Variants in SYCP1 observed in about 807,000 individuals in gnomAD.
SYCP1 encodes the protein synaptonemal complex protein 1.
Under a neutral mutation model 153.1 loss-of-function variants are expected in SYCP1, and 64 were observed. That is an observed-to-expected ratio of 0.42 (90% CI 0.34 to 0.51). The LOEUF (loss-of-function observed/expected upper bound fraction) is 0.51, where lower values mean the gene tolerates loss of function less well. Among genes scored for constraint, SYCP1 ranks in the 20% least tolerant of loss-of-function variants. The probability of loss-of-function intolerance (pLI) is 0.06; values close to 1 mark genes in which losing one functional copy is unlikely to be tolerated. For synonymous variants in SYCP1, 384 were observed against 341.8 expected (o/e 1.12, Z -1.36); for missense variants, 997 against 1,049.0 (o/e 0.95, Z 0.68).
intron 25 of SYCP1, 43 bp from the exon 26 acceptor site, chr1:114,946,246 T>TA (rs777160700): frequency 1.7e-5 from 17 of 1,007,710 alleles, no homozygotes; most frequent in African/African-American, 5.1e-5. Flanking sequence ...TTATAATCTA[T>TA]TCAGTTTTAA....
chr1:114,981,409 C>T lies in SYCP1; in HGVS notation c.2456C>T (p.Thr819Ile). ...GATTCTAAAGCAGTTCCTTCACAAA[C>T]TGTATCTCGAAATTTCACATCAGTT... ...KLDSKAVPSQ[T>I]VSRNFTSVDH... The change falls in exon 29 of 32, where the codon ACT becomes ATT. Residue 819 changes from threonine to isoleucine, a missense_variant. Around this residue, in one of 2 missense-constraint regions of SYCP1, gnomAD observed 712 missense variants for 682.9 expected, o/e 1.04. Coordinates refer to ENST00000369522, the MANE Select transcript of SYCP1 (RefSeq NM_003176.4). 6.2e-7 allele frequency: 1 copy of T among 1,609,376 alleles called. No individual in the cohort carries two copies. The highest frequency in any genetic ancestry group is 8.5e-7 in the Non-Finnish European group (1 of 1,178,170).
intron 15 of SYCP1, among the ~76,000 whole-genome samples, chr1:114,893,389 A>C (rs929998711): frequency 4.0e-5 from 6 of 151,386 alleles, no homozygotes; most frequent in African/African-American, 1.5e-4. Flanking sequence ...TCTCATCTCT[A>C]TCTCTATCTC....
At chr1:114,958,807 G>A (rs563521151) in intron 27 of SYCP1, among the ~76,000 whole-genome samples, 6 of 149,714 alleles carry the variant, frequency 4.0e-5, no homozygotes, top group East Asian at 3.9e-4. Flanking sequence ...GTGGGTGCCC[G>A]TAGTCCCAGC....
At chr1:114,947,383 G>T in intron 27 of SYCP1, 63 bp downstream of exon 27, 1 of 1,088,030 alleles carries the variant, frequency 9.2e-7, no homozygotes, top group South Asian at 1.4e-5. Context: ...TGCATTTTTA[G>T]AATTATGTCA....
At chr1:114,854,812 T>A (rs938003750), upstream of SYCP1, 2 of 152,152 alleles carry the variant, frequency 1.3e-5, no homozygotes, top group African/African-American at 4.8e-5. Context: ...CCTGGGAGCC[T>A]GGCAAGCCCA....
intron 20 of SYCP1, among the ~76,000 whole-genome samples, chr1:114,915,956 G>A (rs1005225724): frequency 2.6e-5 from 4 of 152,268 alleles, no homozygotes; most frequent in African/African-American, 9.6e-5. Flanking sequence ...ATTTTACAAA[G>A]GCGTTCTGGG....
intron 9 of SYCP1, 68 bp from the exon 10 acceptor site, chr1:114,876,001 T>C: frequency 9.4e-7 from 1 of 1,062,212 alleles, no homozygotes; most frequent in Non-Finnish European, 1.3e-6. Context: ...AATTTGGTAA[T>C]ATTTTCATAG....
chr1:114,981,194 A>G (rs1244143601), intron 28 of SYCP1, 142 bp from the exon 29 acceptor site: 1 of 600,766 alleles, frequency 1.7e-6, no homozygotes, highest in East Asian at 3.1e-5. Flanking sequence ...ACTTATTCAA[A>G]CTTATCTAGT....
At chr1:114,943,625 A>T (rs1033471336) in intron 23 of SYCP1, among the ~76,000 whole-genome samples, 12 of 151,934 alleles carry the variant, frequency 7.9e-5, no homozygotes, top group African/African-American at 2.7e-4. Context: ...TCGAAAGGGC[A>T]GTAGGGGAAA....
intron 28 of SYCP1, among the ~76,000 whole-genome samples, chr1:114,980,782 T>C (rs1673100543): frequency 6.6e-6 from 1 of 151,978 alleles, no homozygotes; most frequent in African/African-American, 2.4e-5. Context: ...TTTTTAAAAA[T>C]TTAACTTTTA....
intron 23 of SYCP1, among the ~76,000 whole-genome samples, chr1:114,927,602 A>G (rs79357776): frequency 0.029 from 4,388 of 152,276 alleles, 95 homozygotes; most frequent in Non-Finnish European, 0.047. Flanking sequence ...ACCAAAACCA[A>G]AACAAAAACC....
At chr1:114,909,430 G>GTC (rs1422545955) in intron 16 of SYCP1, among the ~76,000 whole-genome samples, 6 of 143,618 alleles carry the variant, frequency 4.2e-5, no homozygotes, top group Admixed American at 2.1e-4. Context: ...GTTATATATT[G>GTC]TCTCTCTCTC....
chr1:114,905,984 G>A (rs1570743205), intron 16 of SYCP1, among the ~76,000 whole-genome samples: 2 of 150,824 alleles, frequency 1.3e-5, no homozygotes, highest in South Asian at 4.2e-4. Flanking sequence ...TTTTTTTTTG[G>A]AGATGGAGTC....
Position 114,947,262 on chromosome 1 carries a change from A to G in SYCP1, c.2264A>G (p.Asn755Ser), listed in dbSNP as rs1328707407. 2 of 1,612,616 alleles carry G rather than the reference A, an allele frequency of 1.2e-6. No homozygotes were observed. Among genetic ancestry groups the G allele is most frequent in the South Asian group, 1.1e-5 (1 of 90,848 alleles). Reference protein sequence around the residue: ...LRASLEIELSNLKAELLSVKK... With the variant: ...LRASLEIELSSLKAELLSVKK... ...TTTCTTTAGGAGATTGAACTATCCAATCTCAAAGCTGAACTTTTGTCTGTT... is the reference window on the plus strand; with the variant it reads ...TTTCTTTAGGAGATTGAACTATCCAGTCTCAAAGCTGAACTTTTGTCTGTT... The change falls in exon 27 of 32, where the codon AAT becomes AGT. Residue 755 changes from asparagine (N) to serine (S), a missense_variant. By Grantham distance (46) the Asn-to-Ser change is conservative. Transcript: ENST00000369522.
At chr1:114,938,505 A>T (rs1455920924) in intron 23 of SYCP1, among the ~76,000 whole-genome samples, 1 of 152,156 alleles carries the variant, frequency 6.6e-6, no homozygotes, top group African/African-American at 2.4e-5. Flanking sequence ...TATGTAACGA[A>T]CCTGCACATT....
intron 26 of SYCP1, 147 bp from the exon 27 acceptor site, chr1:114,947,099 A>G (rs1670757563): frequency 4.5e-6 from 3 of 670,378 alleles, no homozygotes; most frequent in Non-Finnish European, 7.5e-6. Flanking sequence ...AGCAGCCTTT[A>G]TATCAGTTGA....
chr1:114,917,888 C>G (rs982106946), intron 20 of SYCP1, among the ~76,000 whole-genome samples: 3 of 151,654 alleles, frequency 2.0e-5, no homozygotes, highest in Admixed American at 2.0e-4. Context: ...TGTATTAATC[C>G]CTTGTCAGAT....
At chr1:114,962,092 A>G (rs1671820423) in intron 27 of SYCP1, among the ~76,000 whole-genome samples, 2 of 150,038 alleles carry the variant, frequency 1.3e-5, no homozygotes, top group Non-Finnish European at 3.0e-5. Context: ...ATTCTCCTGC[A>G]TCAGCCGCCT....
At chr1:114,950,473 TA>T (rs1046141282) in intron 27 of SYCP1, among the ~76,000 whole-genome samples, 8 of 152,080 alleles carry the variant, frequency 5.3e-5, no homozygotes, top group Admixed American at 3.9e-4. Context: ...TACAGAAAAA[TA>T]CAAAAAGGGT....
Sources: allele counts gnomAD v4.1 joint callset (sites outside exome capture counted in the v4.1 genomes callset), GRCh38; gene constraint gnomAD v4.1.1; regional missense constraint gnomAD v4.1.1; transcripts MANE v1.5; gene names NCBI Gene and HGNC (gene_info 2026-07-23, HGNC 2026-07-21).